PTPRT: variants seen among roughly 807,000 people sequenced by gnomAD.
The protein encoded by PTPRT is protein tyrosine phosphatase receptor type T, also known as receptor-type tyrosine-protein phosphatase T.
A neutral mutation model predicts 176.8 loss-of-function variants in PTPRT; 56 were observed. The observed-to-expected ratio is 0.32, with a 90% CI of 0.26 to 0.40. PTPRT has a LOEUF of 0.40. PTPRT is among the 10% of genes least tolerant of loss of function. The pLI is 1.00. For missense variants in PTPRT, 1,540 were observed against 1,908.2 expected (o/e 0.81, Z 3.60); for synonymous variants, 783 against 739.0 (o/e 1.06, Z -0.96).
At chr20:42,893,129 A>G (rs1466387404) in intron 1 of PTPRT, among the ~76,000 whole-genome samples, 1 of 152,216 alleles carries the variant, frequency 6.6e-6, no homozygotes, top group East Asian at 1.9e-4. Flanking sequence ...ACAAAGGGCT[A>G]ATATCCAGAA....
At chr20:42,791,120 G>C (rs985582153) in intron 3 of PTPRT, 75 bp downstream of exon 3, 1 of 1,485,570 alleles carries the variant, frequency 6.7e-7, no homozygotes, top group Non-Finnish European at 9.0e-7. Context: ...TCTAGACCTA[G>C]CACCTGTAGG....
rs575129216 is a variant in PTPRT, at chr20:42,613,754, C to A, written c.1153+64112G>T. ...GAAAGAAAATTTCAACACTAAATCC[C>A]TTAGTCTTTCCTTTTCCTTTCTATT... On this transcript the variant is annotated intron_variant, in intron 7 of 30. Coordinates refer to ENST00000373187, the MANE Select transcript of PTPRT (RefSeq NM_007050.6). 3.3e-5 allele frequency among the ~76,000 whole-genome samples: 5 copies of A among 152,258 alleles called. No homozygotes were observed. The East Asian group carries it at 9.7e-4, about 29-fold the overall frequency.
intron 7 of PTPRT, among the ~76,000 whole-genome samples, chr20:42,550,060 G>A (rs6102903): frequency 0.017 from 2,522 of 152,168 alleles, 73 homozygotes; most frequent in African/African-American, 0.057. Flanking sequence ...GAAAAATCAC[G>A]AGAGCCATTT....
intron 12 of PTPRT, among the ~76,000 whole-genome samples, chr20:42,302,504 A>T (rs1030591388): frequency 2.6e-5 from 4 of 152,178 alleles, no homozygotes; most frequent in African/African-American, 9.7e-5. Context: ...CTAATAGCCA[A>T]GTCAAATGTC....
intron 7 of PTPRT, among the ~76,000 whole-genome samples, chr20:42,529,346 C>T (rs569155798): frequency 3.1e-4 from 47 of 152,210 alleles, no homozygotes; most frequent in African/African-American, 1.0e-3. Context: ...TCTAATGAGC[C>T]GGGTTTGACA....
intron 5 of PTPRT, among the ~76,000 whole-genome samples, chr20:42,767,447 C>A (rs1026778767): frequency 2.6e-5 from 4 of 152,012 alleles, no homozygotes; most frequent in Non-Finnish European, 5.9e-5. Flanking sequence ...TACACCACTG[C>A]CATTCCTGGA....
At chr20:43,108,606 C>A (rs780295325) in intron 1 of PTPRT, among the ~76,000 whole-genome samples, 4 of 152,070 alleles carry the variant, frequency 2.6e-5, no homozygotes, top group Admixed American at 6.6e-5. Context: ...AAATCTGCCC[C>A]TCAAAGGTCT....
intron 1 of PTPRT, among the ~76,000 whole-genome samples, chr20:43,019,303 A>G (rs1318773131): frequency 6.6e-6 from 1 of 152,270 alleles, no homozygotes. Context: ...AGGGAAGCCA[A>G]GGTGGTTTGG....
rs74888448 is a variant in PTPRT at position 43,135,371 on chromosome 20, G to T, written c.88+54275C>A. 8.8e-3 allele frequency among the ~76,000 whole-genome samples: 1,344 copies of T among 152,292 alleles called. 20 individuals are homozygous for T. The highest frequency in any genetic ancestry group is 0.031 in the African/African-American group (1,272 of 41,540). On this transcript the variant is annotated intron_variant, in intron 1 of 30. Transcript: ENST00000373187. Reference sequence around the variant, plus strand: ...ATGTTTCTGACAGATGTTCATGATAGTATGTGGGGAAAAAAAGGAACAGAT... The same window carrying T: ...ATGTTTCTGACAGATGTTCATGATATTATGTGGGGAAAAAAAGGAACAGAT...
At chr20:43,100,856 C>T (rs1410263673) in intron 1 of PTPRT, among the ~76,000 whole-genome samples, 1 of 151,030 alleles carries the variant, frequency 6.6e-6, no homozygotes, top group Non-Finnish European at 1.5e-5. Context: ...CATGCAAATA[C>T]ACATAAACGT....
intron 1 of PTPRT, among the ~76,000 whole-genome samples, chr20:42,930,992 A>T (rs1230742643): frequency 6.6e-6 from 1 of 152,096 alleles, no homozygotes; most frequent in East Asian, 1.9e-4. Flanking sequence ...GTTTAGACCA[A>T]TCAACCTTCC....
intron 1 of PTPRT, among the ~76,000 whole-genome samples, chr20:43,015,149 C>T (rs929822989): frequency 7.2e-5 from 11 of 152,262 alleles, no homozygotes; most frequent in Non-Finnish European, 1.0e-4. Flanking sequence ...TTAACTTGTA[C>T]GCTAAGGCAC....
intron 7 of PTPRT, among the ~76,000 whole-genome samples, chr20:42,595,694 C>T (rs1035404605): frequency 1.3e-5 from 2 of 152,178 alleles, no homozygotes; most frequent in African/African-American, 4.8e-5. Flanking sequence ...AGCATTTCTT[C>T]ATTTCAGATA....
intron 7 of PTPRT, among the ~76,000 whole-genome samples, chr20:42,650,009 T>G (rs1488669109): frequency 6.6e-6 from 1 of 152,164 alleles, no homozygotes; most frequent in African/African-American, 2.4e-5. Context: ...ACCACTCTGC[T>G]TTACATCTCA....
At chr20:42,988,448 C>A (rs1266720738) in intron 1 of PTPRT, among the ~76,000 whole-genome samples, 1 of 152,158 alleles carries the variant, frequency 6.6e-6, no homozygotes, top group Non-Finnish European at 1.5e-5. Context: ...GGGACAGGGT[C>A]ATGGGATGGG....
intron 2 of PTPRT, among the ~76,000 whole-genome samples, chr20:42,822,310 C>T (rs1600791576): frequency 2.0e-5 from 3 of 152,150 alleles, no homozygotes; most frequent in African/African-American, 7.2e-5. Context: ...GAAAGGACAT[C>T]CTATTAAGTA....
At position 42,073,394 on chromosome 20, in the gene PTPRT, C is replaced by A. The variant is rs1266325431; in HGVS notation, c.*7485G>T. The A allele has an allele frequency of 1.0e-5, 2 of 193,336 alleles. No homozygotes were observed. Among genetic ancestry groups the A allele is most frequent in the Non-Finnish European group, 2.2e-5 (2 of 92,418 alleles). 12.0% of individuals were successfully genotyped at this position (193,336 alleles called of 1,614,324 possible). On this transcript the variant is annotated 3_prime_UTR_variant, in exon 31 of 31. Transcript: ENST00000373187. ...TGTGTGCACTGGAAATGATTATAATCATGTGTAAATTGAGTTACTGTGCTT... is the reference window on the plus strand; with the variant it reads ...TGTGTGCACTGGAAATGATTATAATAATGTGTAAATTGAGTTACTGTGCTT...
chr20:42,300,888 T>C (rs906081207), intron 12 of PTPRT, among the ~76,000 whole-genome samples: 1 of 149,074 alleles, frequency 6.7e-6, no homozygotes, highest in Non-Finnish European at 1.5e-5. Flanking sequence ...TATTCTCACT[T>C]ATAGGTGGGA....
intron 1 of PTPRT, among the ~76,000 whole-genome samples, chr20:43,070,830 T>G (rs2011170086): frequency 6.7e-6 from 1 of 148,268 alleles, no homozygotes; most frequent in African/African-American, 2.5e-5. Context: ...TGTTGTGGGG[T>G]GGGGGGAAGG....
Sources: allele counts gnomAD v4.1 joint callset (sites outside exome capture counted in the v4.1 genomes callset), GRCh38; gene constraint gnomAD v4.1.1; transcripts MANE v1.5; gene names NCBI Gene and HGNC (gene_info 2026-07-23, HGNC 2026-07-21).